The following TRIP10 variants were observed in gnomAD, a reference collection of about 807,000 sequenced individuals.
TRIP10 encodes thyroid hormone receptor interactor 10.
TRIP10 carries 54 observed loss-of-function variants against 80.9 expected under a neutral mutation model. The observed-to-expected ratio is 0.67, with a 90% confidence interval of 0.54 to 0.84. The LOEUF (loss-of-function observed/expected upper bound fraction) is 0.84. Among genes scored for constraint, TRIP10 ranks in the 40% least tolerant of loss-of-function variants. TRIP10 has a pLI of 0.00. For synonymous variants in TRIP10, 321 were observed against 307.2 expected, an observed-to-expected ratio of 1.04 and a Z score of -0.47; for missense variants, 773 against 815.3, an observed-to-expected ratio of 0.95 and a Z score of 0.63.
At position 6,743,064 on chromosome 19, in the gene TRIP10, T is replaced by C. The variant is rs1198227112; in HGVS notation, c.295T>C (p.Cys99Arg). 1 of 1,614,062 alleles carries C rather than the reference T, an allele frequency of 6.2e-7. No homozygotes were observed. Among genetic ancestry groups the C allele is most frequent in the Non-Finnish European group, 8.5e-7 (1 of 1,180,042 alleles). ...GGCTGAGAACCTCAGTGTCCGTGTATGTCTTGAGCTGACCAAGTACTCACA... is the reference window on the plus strand; with the variant it reads ...GGCTGAGAACCTCAGTGTCCGTGTACGTCTTGAGCTGACCAAGTACTCACA... ...LVAENLSVRV[C>R]LELTKYSQEM... The change falls in exon 4 of 15, where the codon TGT becomes CGT. Residue 99 changes from cysteine (C) to arginine (R), a missense_variant. Transcript: ENST00000313244.
rs960646456 is a variant in TRIP10, at chr19:6,746,900, C to T, written c.1262+339C>T. Among the ~76,000 whole-genome samples, 5 of 152,202 alleles carry T rather than the reference C, an allele frequency of 3.3e-5. No homozygotes were observed. The highest frequency in any genetic ancestry group is 5.9e-5 in the Non-Finnish European group (4 of 68,034). ...TCAGTTGATCTGCCTGCCTCAGCCT[C>T]CCATAGTGCTGGGATTATAGGCATG... is the stretch of plus-strand genomic sequence containing the variant. On this transcript the variant is annotated intron_variant, in intron 11 of 14. Transcript: ENST00000313244. The surrounding 1 kb of genome is among the most constrained non-coding windows in gnomAD (Gnocchi z 6.2).
At position 6,744,489 on chromosome 19, in the gene TRIP10, T is replaced by C. The variant is rs1287049937; in HGVS notation, c.643-65T>C. ...GTGGAGCGCGATCATATTTGCAGAG[T>C]GAATCACTGTGCTTCTAGTCCCTCT... On this transcript the variant is annotated intron_variant, in intron 7 of 14. Transcript: ENST00000313244. This position sits in a 1 kb window ranked among gnomAD's most constrained non-coding sequence, Gnocchi z 4.9. 2 of 1,602,136 alleles carry C rather than the reference T, an allele frequency of 1.2e-6. No homozygotes were observed. The highest frequency in any genetic ancestry group is 1.7e-6 in the Non-Finnish European group (2 of 1,175,640).
intron 13 of TRIP10, 34 bp from the exon 14 acceptor site, chr19:6,750,478 G>T (rs760886156): frequency 6.2e-7 from 1 of 1,613,896 alleles, no homozygotes; most frequent in South Asian, 1.1e-5. Context: ...TCCCAGGAGG[G>T]CCTGTCTTTA....
rs903884542 is a variant in TRIP10 at position 6,745,437 on chromosome 19, C to T, written c.984+443C>T. On this transcript the variant is annotated intron_variant, in intron 9 of 14. Coordinates refer to ENST00000313244, the MANE Select transcript of TRIP10 (RefSeq NM_001288962.2). The surrounding 1 kb of genome is among the most constrained non-coding windows in gnomAD (Gnocchi z 7.2). ...ATACCTTTGATTTATACTTTGGGTC[C>T]CTCTTCACTTACACTCTCATACCTC... is the stretch of plus-strand genomic sequence containing the variant. Among the ~76,000 whole-genome samples, 1 of 152,110 alleles carries T rather than the reference C, an allele frequency of 6.6e-6. No homozygotes were observed. Among genetic ancestry groups the T allele is most frequent in the African/African-American group, 2.4e-5 (1 of 41,396 alleles).
Position 6,750,593 on chromosome 19 carries a change from A to G in TRIP10, c.1617A>G (p.Thr539=). 1.2e-6 allele frequency: 2 copies of G among 1,614,216 alleles called. No individual in the cohort carries two copies. The highest frequency in any genetic ancestry group is 1.7e-6 in the Non-Finnish European group (2 of 1,180,028). The change falls in exon 14 of 15, where the codon ACA becomes ACG. Residue 539 remains threonine (T), a synonymous_variant. Coordinates refer to ENST00000313244, the MANE Select transcript of TRIP10 (RefSeq NM_001288962.2). Reference sequence around the variant, plus strand: ...ATGAGGATTTCGAGGAGGAACCCACATCCCCCATAGGTCACTGTGTGGCCA... The same window carrying G: ...ATGAGGATTTCGAGGAGGAACCCACGTCCCCCATAGGTCACTGTGTGGCCA... ...EFDEDFEEEP[T]SPIGHCVAIY... is the part of the protein sequence containing the mutation.
At chr19:6,750,977 G>T in intron 14 of TRIP10, 86 bp from the exon 15 acceptor site, 2 of 1,428,454 alleles carry the variant, frequency 1.4e-6, no homozygotes, top group South Asian at 1.6e-5. Context: ...GCCTGGGCGA[G>T]AGCGAGGCTC....
chr19:6,741,455 A>G (rs969669830), intron 3 of TRIP10, among the ~76,000 whole-genome samples, 174 bp downstream of exon 3: 1 of 152,146 alleles, frequency 6.6e-6, no homozygotes, highest in Non-Finnish European at 1.5e-5. Flanking sequence ...GTCCACTACT[A>G]TGTAGAGAAA....
In TRIP10 at chr19:6,751,302, G is replaced by A. The variant is rs140133240; in HGVS notation, c.*91G>A. 1.4e-5 allele frequency: 22 copies of A among 1,592,124 alleles called. No homozygotes were observed. Among genetic ancestry groups the A allele is most frequent in the African/African-American group, 4.0e-5 (3 of 74,544 alleles). The stretch of plus-strand genomic sequence containing the variant: ...ACCTATGCACTTTATTTCTGACCCC[G>A]TGGCTTCGGCTGAGACCTGTGTAAC... On this transcript the variant is annotated 3_prime_UTR_variant, in exon 15 of 15. Transcript: ENST00000313244.
rs1969036483 is a variant in TRIP10 at position 6,744,460 on chromosome 19, C to A, written c.643-94C>A. ...CTCCAGACTGGCTTGGGGCTGGGGCCAGCGTGGAGCGCGATCATATTTGCA... is the reference window on the plus strand; with the variant it reads ...CTCCAGACTGGCTTGGGGCTGGGGCAAGCGTGGAGCGCGATCATATTTGCA... On this transcript the variant is annotated intron_variant, in intron 7 of 14. Coordinates refer to ENST00000313244, the MANE Select transcript of TRIP10 (RefSeq NM_001288962.2). This position sits in a 1 kb window ranked among gnomAD's most constrained non-coding sequence, Gnocchi z 4.9. 60 of 1,552,912 alleles carry A rather than the reference C, an allele frequency of 3.9e-5. No individual in the cohort carries two copies. Among genetic ancestry groups the A allele is most frequent in the Non-Finnish European group, 5.1e-5 (59 of 1,145,634 alleles).
At position 6,746,046 on chromosome 19, in the gene TRIP10, C is replaced by CA; in HGVS notation, c.1002_1003insA (p.Ser335IlefsTer13). 7.7e-7 allele frequency: 1 copy of CA among 1,294,274 alleles called. No individual in the cohort carries two copies. Among genetic ancestry groups the CA allele is most frequent in the Non-Finnish European group, 1.0e-6 (1 of 974,298 alleles). 80.2% of individuals were successfully genotyped at this position (1,294,274 alleles called of 1,614,324 possible). On this transcript the variant is annotated frameshift_variant, in exon 10 of 15. Transcript: ENST00000313244. LOFTEE classifies it high-confidence loss of function. This position sits in a 1 kb window ranked among gnomAD's most constrained non-coding sequence, Gnocchi z 6.2. ...GCCGGTAGCCTCGCCCCCCACCCCTCTCCCCCCTGGGGGGCCCCGTACCCT... is the reference window on the plus strand; with the variant it reads ...GCCGGTAGCCTCGCCCCCCACCCCTCATCCCCCCTGGGGGGCCCCGTACCCT...
Position 6,746,411 on chromosome 19 carries a change from G to C in TRIP10, c.1153-41G>C. 1.9e-6 allele frequency: 3 copies of C among 1,608,758 alleles called. No individual in the cohort carries two copies. The highest frequency in any genetic ancestry group is 2.7e-5 in the African/African-American group (2 of 74,918). On this transcript the variant is annotated intron_variant, in intron 10 of 14. Transcript: ENST00000313244. This position sits in a 1 kb window ranked among gnomAD's most constrained non-coding sequence, Gnocchi z 6.2. The stretch of plus-strand genomic sequence containing the variant: ...GACGGGTGCAGAGTCTGGCAGGCTA[G>C]ACTCCTTGATCCCAAATTCAGCCCT...
Position 6,744,420 on chromosome 19 carries a change from C to G in TRIP10, c.643-134C>G. ...CACAGTGGGCTGGAGTCTCTCTTCC[C>G]GACTCTGTCTTCCCCTCCAGACTGG... On this transcript the variant is annotated intron_variant, in intron 7 of 14. Coordinates refer to ENST00000313244, the MANE Select transcript of TRIP10 (RefSeq NM_001288962.2). The surrounding 1 kb of genome is among the most constrained non-coding windows in gnomAD (Gnocchi z 4.9). The G allele has an allele frequency of 7.5e-7, 1 of 1,327,610 alleles. No homozygotes were observed. The highest frequency in any genetic ancestry group is 1.0e-6 in the Non-Finnish European group (1 of 959,818). The allele number at this position is 1,327,610 out of a possible 1,614,324, so 82.2% of individuals were successfully genotyped here.
intron 11 of TRIP10, among the ~76,000 whole-genome samples, chr19:6,749,196 C>T (rs1969213234): frequency 6.6e-6 from 1 of 152,110 alleles, no homozygotes; most frequent in Non-Finnish European, 1.5e-5. Flanking sequence ...TCCACCTCAG[C>T]CTCCCAAAAT....
Position 6,750,623 on chromosome 19 carries a change from C to T in TRIP10, c.1647C>T (p.Tyr549=). ...TSPIGHCVAI[Y]HFEGSSEGTI... ...CCATAGGTCACTGTGTGGCCATCTA[C>T]CACTTTGAAGGTGAGAACGGCCAGA... The change falls in exon 14 of 15, where the codon TAC becomes TAT. Residue 549 remains tyrosine, a synonymous_variant. Coordinates refer to ENST00000313244, the MANE Select transcript of TRIP10 (RefSeq NM_001288962.2). The T allele has an allele frequency of 3.7e-6, 6 of 1,614,158 alleles. No individual in the cohort carries two copies. The highest frequency in any genetic ancestry group is 5.1e-6 in the Non-Finnish European group (6 of 1,179,986).
At position 6,743,616 on chromosome 19, in the gene TRIP10, G is replaced by A. The variant is rs777437324; in HGVS notation, c.513+18G>A. On this transcript the variant is annotated intron_variant, in intron 6 of 14. Coordinates refer to ENST00000313244, the MANE Select transcript of TRIP10 (RefSeq NM_001288962.2). ...TGGAGAAGGTGTGTGTGGCGGGGGC[G>A]GGGGGGGGGTGCGGGGTCTGGGACA... is the stretch of plus-strand genomic sequence containing the variant. The A allele has an allele frequency of 2.5e-5, 22 of 865,502 alleles. No individual in the cohort carries two copies. The highest frequency in any genetic ancestry group is 1.2e-4 in the African/African-American group (4 of 33,496). 53.6% of individuals were successfully genotyped at this position (865,502 alleles called of 1,614,324 possible).
chr19:6,747,222 G>C (rs984624972), intron 11 of TRIP10, among the ~76,000 whole-genome samples: 1 of 152,188 alleles, frequency 6.6e-6, no homozygotes, highest in Non-Finnish European at 1.5e-5. Context: ...CACTTGGGAG[G>C]CTGAGGTGGG....
rs528071228 is a variant in TRIP10, at chr19:6,739,915, C to T, written c.24+130C>T. 3.5e-5 allele frequency: 39 copies of T among 1,120,964 alleles called. No homozygotes were observed. In the African/African-American group the frequency reaches 6.0e-4, roughly 17 times the overall value. 69.4% of individuals were successfully genotyped at this position (1,120,964 alleles called of 1,614,324 possible). A position where few individuals can be genotyped will look rare whatever the true frequency, so the allele number is the denominator to read the frequency against. On this transcript the variant is annotated intron_variant, in intron 1 of 14. Transcript: ENST00000313244. ...CCGACCCCTGGGTCCCCGCCCTCCA[C>T]CCTCCGCTCTCTCTCGAAGTTTATC...
At position 6,743,115 on chromosome 19, in the gene TRIP10, G is replaced by C; in HGVS notation, c.345+1G>C. ...AGAGATGAAACAGGAGAGGAAGATG[G>C]TGAGGAGCCCCCCGATTCAGGTTTT... is the stretch of plus-strand genomic sequence containing the variant. On this transcript the variant is annotated splice_donor_variant, in intron 4 of 14. Transcript: ENST00000313244. LOFTEE classifies it high-confidence loss of function. 6.2e-7 allele frequency: 1 copy of C among 1,614,222 alleles called. No homozygotes were observed. The highest frequency in any genetic ancestry group is 8.5e-7 in the Non-Finnish European group (1 of 1,180,048).
Position 6,751,265 on chromosome 19 carries a change from G to T in TRIP10, c.*54G>T. On this transcript the variant is annotated 3_prime_UTR_variant, in exon 15 of 15. Coordinates refer to ENST00000313244, the MANE Select transcript of TRIP10 (RefSeq NM_001288962.2). ...TGTCGGCTGCTGCTTCTGGGCCACG[G>T]GGAGCCCCAGGACCTATGCACTTTA... 1 of 1,612,566 alleles carries T rather than the reference G, an allele frequency of 6.2e-7. No individual in the cohort carries two copies. The highest frequency in any genetic ancestry group is 8.5e-7 in the Non-Finnish European group (1 of 1,179,610).
Sources: gnomAD v4.1 joint callset for allele counts (sites outside exome capture counted in the v4.1 genomes callset) on GRCh38, gnomAD v4.1.1 for gene constraint, Gnocchi (gnomAD v3.1) non-coding constraint, MANE v1.5 for transcripts, NCBI Gene and HGNC (gene_info 2026-07-23, HGNC 2026-07-21) for gene names.